JARID2: variants seen among roughly 807,000 people sequenced by gnomAD.
The protein encoded by JARID2 is protein Jumonji.
In JARID2, 21 loss-of-function variants were observed where a neutral mutation model predicts 125.6. That is an observed-to-expected ratio of 0.17 (90% CI 0.12 to 0.24). The LOEUF is 0.24. JARID2 is among the 10% of genes least tolerant of loss of function. JARID2 has a pLI of 1.00. For missense variants in JARID2, 1,303 were observed against 1,639.6 expected (o/e 0.79, Z 3.55); for synonymous variants, 736 against 661.6 (o/e 1.11, Z -1.73).
chr6:15,371,276 C>T (rs1764161250), intron 1 of JARID2, among the ~76,000 whole-genome samples: 1 of 152,198 alleles, frequency 6.6e-6, no homozygotes, highest in Non-Finnish European at 1.5e-5. Flanking sequence ...CCAGCCTGCA[C>T]AGGATGCAAT....
At chr6:15,259,090 C>G (rs1759777490) in intron 1 of JARID2, among the ~76,000 whole-genome samples, 1 of 152,198 alleles carries the variant, frequency 6.6e-6, no homozygotes, top group African/African-American at 2.4e-5. Flanking sequence ...TATCTTCCCT[C>G]TGCCTTCCCT....
rs569786263 is a variant in JARID2 at position 15,467,360 on chromosome 6, T to TA, written c.494-1181dup. On this transcript the variant is annotated intron_variant, in intron 4 of 17. Transcript: ENST00000341776. ...TACTGGAGTGTTTTTAGCTCATTCA[T>TA]AGGCAGGCAAGAGAAGACATGAATT... Among the ~76,000 whole-genome samples, 307 of 152,302 alleles carry TA rather than the reference T, an allele frequency of 2.0e-3. 1 individual carries two copies. Among genetic ancestry groups the TA allele is most frequent in the Non-Finnish European group, 3.1e-3 (214 of 68,018 alleles).
intron 2 of JARID2, among the ~76,000 whole-genome samples, chr6:15,397,200 A>C (rs1239462871): frequency 2.6e-5 from 4 of 152,086 alleles, no homozygotes; most frequent in African/African-American, 9.7e-5. Context: ...ATGTTTTTGA[A>C]AGTCAAATAT....
At chr6:15,447,474 C>T (rs1319075932) in intron 3 of JARID2, among the ~76,000 whole-genome samples, 1 of 152,176 alleles carries the variant, frequency 6.6e-6, no homozygotes, top group African/African-American at 2.4e-5. Flanking sequence ...TTACCCAGGG[C>T]AGGAAGGCCC....
At chr6:15,295,123 CTTTTTTT>C (rs60419870) in intron 1 of JARID2, among the ~76,000 whole-genome samples, 3 of 129,456 alleles carry the variant, frequency 2.3e-5, no homozygotes, top group East Asian at 4.4e-4. Flanking sequence ...TTTTTTCTTT[CTTTTTTT>C]TTTTTTTTTG....
chr6:15,375,120 G>A (rs1764303063), intron 2 of JARID2, among the ~76,000 whole-genome samples: 1 of 152,150 alleles, frequency 6.6e-6, no homozygotes. Context: ...GTTCACCATG[G>A]CTTCCAATTT....
chr6:15,476,514 T>C (rs1262482020), intron 5 of JARID2, among the ~76,000 whole-genome samples: 11 of 152,212 alleles, frequency 7.2e-5, no homozygotes, highest in Admixed American at 4.6e-4. Flanking sequence ...GATGTTTTGT[T>C]TTGCAAACAT....
intron 1 of JARID2, among the ~76,000 whole-genome samples, chr6:15,282,021 C>T (rs1400526270): frequency 2.0e-5 from 3 of 151,572 alleles, no homozygotes; most frequent in Admixed American, 6.6e-5. Context: ...ATGATCTCAG[C>T]GAACTGTAAC....
intron 3 of JARID2, among the ~76,000 whole-genome samples, chr6:15,421,451 TC>T (rs1766486307): frequency 6.6e-6 from 1 of 151,300 alleles, no homozygotes; most frequent in Non-Finnish European, 1.5e-5. Context: ...AAGCCCTGAC[TC>T]CAAGAAAAAA....
intron 12 of JARID2, chr6:15,509,468 C>A: frequency 4.1e-6 from 2 of 482,622 alleles, no homozygotes; most frequent in Non-Finnish European, 5.4e-6. Context: ...CCCTCCCTTC[C>A]CACATGGGTC....
At chr6:15,380,162 A>G (rs1764524726) in intron 2 of JARID2, among the ~76,000 whole-genome samples, 1 of 151,916 alleles carries the variant, frequency 6.6e-6, no homozygotes, top group Admixed American at 6.6e-5. Context: ...CAGTCTCCCG[A>G]GTAGCTGGGA....
intron 1 of JARID2, among the ~76,000 whole-genome samples, chr6:15,293,212 G>C (rs1278389846): frequency 6.6e-6 from 1 of 152,182 alleles, no homozygotes; most frequent in Non-Finnish European, 1.5e-5. Flanking sequence ...ATAATAGGCA[G>C]CACCTGCCAC....
At chr6:15,432,610 G>A (rs1303655577) in intron 3 of JARID2, among the ~76,000 whole-genome samples, 4 of 152,226 alleles carry the variant, frequency 2.6e-5, no homozygotes, top group African/African-American at 9.6e-5. Context: ...TGCCCCATGT[G>A]AATGAAGAGG....
chr6:15,473,274 G>A (rs1002158759), intron 5 of JARID2, among the ~76,000 whole-genome samples: 1 of 152,150 alleles, frequency 6.6e-6, no homozygotes, highest in African/African-American at 2.4e-5. Context: ...GTAAGCCCCT[G>A]TGCTGACGTA....
At chr6:15,397,556 G>T (rs975438139) in intron 2 of JARID2, among the ~76,000 whole-genome samples, 2 of 152,178 alleles carry the variant, frequency 1.3e-5, no homozygotes, top group Admixed American at 6.5e-5. Flanking sequence ...TGTCTGCATA[G>T]AATTACTGTG....
At chr6:15,371,360 A>G (rs140131616) in intron 1 of JARID2, among the ~76,000 whole-genome samples, 13 of 152,352 alleles carry the variant, frequency 8.5e-5, no homozygotes, top group Non-Finnish European at 1.5e-4. Context: ...CATGTAGGAA[A>G]TAATAGTTTA....
In JARID2 at chr6:15,520,692, C is replaced by CAT; in HGVS notation, c.*442_*443insTA. 1 of 439,344 alleles carries CAT rather than the reference C, an allele frequency of 2.3e-6. No homozygotes were observed. The highest frequency in any genetic ancestry group is 1.6e-5 in the South Asian group (1 of 62,688). 27.2% of individuals were successfully genotyped at this position (439,344 alleles called of 1,614,324 possible). On this transcript the variant is annotated 3_prime_UTR_variant, in exon 18 of 18. Coordinates refer to ENST00000341776, the MANE Select transcript of JARID2 (RefSeq NM_004973.4). ...AGAAGGGATAGGAGACACACGCGCA[C>CAT]ACACACACACACACGAAACTTGAAA...
At chr6:15,415,884 C>G (rs1371796151) in intron 3 of JARID2, among the ~76,000 whole-genome samples, 8 of 151,832 alleles carry the variant, frequency 5.3e-5, no homozygotes, top group East Asian at 2.0e-4. Context: ...CCCCACCTCC[C>G]TCCCGGATGG....
At chr6:15,311,714 C>T (rs139337348) in intron 1 of JARID2, among the ~76,000 whole-genome samples, 1,900 of 151,092 alleles carry the variant, frequency 0.013, 42 homozygotes, top group African/African-American at 0.037. Context: ...CACTCTGATT[C>T]GGCTTGCAAA....
Sources: gnomAD v4.1 joint callset for allele counts (sites outside exome capture counted in the v4.1 genomes callset) on GRCh38, gnomAD v4.1.1 for gene constraint, MANE v1.5 for transcripts, NCBI Gene and HGNC (gene_info 2026-07-23, HGNC 2026-07-21) for gene names.